Variants in TCF12 observed in about 807,000 individuals in gnomAD.
TCF12 encodes the protein DNA-binding protein HTF4.
In TCF12, 45 loss-of-function variants were observed where a neutral mutation model predicts 86.0. That is an observed-to-expected ratio of 0.52 (90% CI 0.41 to 0.67). The LOEUF (loss-of-function observed/expected upper bound fraction) is 0.67, where lower values mean the gene tolerates loss of function less well. TCF12 is among the 30% of genes least tolerant of loss of function. TCF12 has a pLI of 0.00. For missense variants in TCF12, 881 were observed against 859.9 expected (o/e 1.02, Z -0.31); for synonymous variants, 330 against 299.6 (o/e 1.10, Z -1.05).
chr15:56,918,257 G>C (rs1328965342), upstream of TCF12: 1 of 456,114 alleles, frequency 2.2e-6, no homozygotes, highest in Non-Finnish European at 4.4e-6. Flanking sequence ...CGGGAAGCTC[G>C]GGGACCTGGG....
intron 8 of TCF12, among the ~76,000 whole-genome samples, chr15:57,222,644 G>C (rs1217345547): frequency 6.6e-6 from 1 of 150,918 alleles, no homozygotes. Context: ...AAAGAACTCT[G>C]CCTGCATTCA....
intron 8 of TCF12, among the ~76,000 whole-genome samples, 182 bp from the exon 9 acceptor site, chr15:57,230,970 G>A (rs761831042): frequency 1.3e-5 from 2 of 150,458 alleles, no homozygotes; most frequent in South Asian, 4.2e-4. Flanking sequence ...AAAAAAACAT[G>A]TGGATGGTAA....
chr15:57,216,118 G>A (rs1350833918), intron 8 of TCF12, among the ~76,000 whole-genome samples: 2 of 152,080 alleles, frequency 1.3e-5, no homozygotes, highest in Non-Finnish European at 2.9e-5. Flanking sequence ...TGGAATAGCA[G>A]CAAACATAAC....
At chr15:57,285,519 A>G (rs147482088) in intron 20 of TCF12, among the ~76,000 whole-genome samples, 2 of 152,312 alleles carry the variant, frequency 1.3e-5, no homozygotes, top group South Asian at 2.1e-4. Context: ...AATGAATGCA[A>G]GGTAGCCTCT....
At chr15:57,010,906 A>G (rs2064792034) in intron 3 of TCF12, among the ~76,000 whole-genome samples, 1 of 152,170 alleles carries the variant, frequency 6.6e-6, no homozygotes, top group South Asian at 2.1e-4. Flanking sequence ...ATGTAGTCGT[A>G]TTGCTGTGAG....
intron 13 of TCF12, among the ~76,000 whole-genome samples, chr15:57,246,138 G>T (rs1187004805): frequency 6.6e-6 from 1 of 152,124 alleles, no homozygotes; most frequent in African/African-American, 2.4e-5. Flanking sequence ...TACCCACTCT[G>T]TGAGTAGAAT....
At chr15:57,075,798 CTT>C (rs1491358247) in intron 4 of TCF12, among the ~76,000 whole-genome samples, 998 of 69,132 alleles carry the variant, frequency 0.014, 5 homozygotes, top group Admixed American at 0.041. Context: ...TTCTTTCTTT[CTT>C]TCTTTCTCTC....
intron 3 of TCF12, among the ~76,000 whole-genome samples, chr15:56,922,884 G>C (rs2059852866): frequency 6.6e-6 from 1 of 151,798 alleles, no homozygotes; most frequent in Non-Finnish European, 1.5e-5. Flanking sequence ...ATGTCTAAAA[G>C]AAATTGGTAT....
At chr15:57,049,127 C>T (rs1002442804) in intron 3 of TCF12, among the ~76,000 whole-genome samples, 7 of 152,106 alleles carry the variant, frequency 4.6e-5, no homozygotes, top group African/African-American at 1.7e-4. Flanking sequence ...AGGTCTTGGC[C>T]CACTTGCAGC....
intron 8 of TCF12, among the ~76,000 whole-genome samples, chr15:57,216,498 G>A (rs1229833907): frequency 3.3e-5 from 5 of 150,648 alleles, no homozygotes; most frequent in African/African-American, 1.2e-4. Flanking sequence ...TTAAAAATTG[G>A]CCCTGTCTCC....
chr15:57,054,856 AGAGTT>A (rs1230233001), intron 3 of TCF12, among the ~76,000 whole-genome samples: 6 of 124,714 alleles, frequency 4.8e-5, no homozygotes, highest in Admixed American at 2.2e-4. Flanking sequence ...AAGGCTATTT[AGAGTT>A]AATATTGTGC....
intron 5 of TCF12, among the ~76,000 whole-genome samples, chr15:57,104,115 A>G (rs2049950162): frequency 6.6e-6 from 1 of 152,244 alleles, no homozygotes; most frequent in South Asian, 2.1e-4. Context: ...GTATGTGTAG[A>G]TTATAAAATC....
At chr15:57,244,516 G>A (rs2059770552) in intron 13 of TCF12, among the ~76,000 whole-genome samples, 1 of 152,202 alleles carries the variant, frequency 6.6e-6, no homozygotes, top group South Asian at 2.1e-4. Flanking sequence ...CTGGAGTGCA[G>A]TGGCATAATC....
chr15:57,226,170 G>C (rs1169177600), intron 8 of TCF12, among the ~76,000 whole-genome samples: 1 of 149,194 alleles, frequency 6.7e-6, no homozygotes, highest in Non-Finnish European at 1.5e-5. Flanking sequence ...TTTGACCTGG[G>C]TTGGGATATT....
At chr15:57,246,077 T>C (rs943289948) in intron 13 of TCF12, among the ~76,000 whole-genome samples, 2 of 152,130 alleles carry the variant, frequency 1.3e-5, no homozygotes, top group Admixed American at 6.5e-5. Context: ...TATGTGGACA[T>C]TATTTTGCAT....
chr15:56,988,570 G>C (rs961460481), intron 3 of TCF12, among the ~76,000 whole-genome samples: 1 of 152,130 alleles, frequency 6.6e-6, no homozygotes, highest in Non-Finnish European at 1.5e-5. Context: ...GACTTAAAAT[G>C]TTAGTTGCTA....
chr15:57,123,651 T>TA lies in TCF12; in HGVS notation c.325+31771dup, dbSNP rs1331934971. On this transcript the variant is annotated intron_variant, in intron 5 of 20. Coordinates refer to ENST00000333725, the MANE Select transcript of TCF12 (RefSeq NM_207037.2). ...CGAGCACCACTACACTCAGCTAATG[T>TA]AAAAAAAAAAAGTTTTAAGGCCGGG... is the stretch of plus-strand genomic sequence containing the variant. 3.1e-3 allele frequency among the ~76,000 whole-genome samples: 448 copies of TA among 144,966 alleles called. 2 individuals carry two copies. Among genetic ancestry groups the TA allele is most frequent in the African/African-American group, 8.5e-3 (339 of 39,806 alleles).
At chr15:57,246,066 A>G (rs1477653902) in intron 13 of TCF12, among the ~76,000 whole-genome samples, 1 of 152,132 alleles carries the variant, frequency 6.6e-6, no homozygotes, top group Non-Finnish European at 1.5e-5. Flanking sequence ...TCCTATATAA[A>G]TATGTGGACA....
intron 3 of TCF12, among the ~76,000 whole-genome samples, chr15:57,045,353 T>A (rs1292737091): frequency 1.3e-5 from 2 of 152,290 alleles, no homozygotes; most frequent in South Asian, 4.1e-4. Flanking sequence ...ATTGTCTAGG[T>A]TTTTATTCTC....
Sources: gnomAD v4.1 joint callset for allele counts (sites outside exome capture counted in the v4.1 genomes callset) on GRCh38, gnomAD v4.1.1 for gene constraint, MANE v1.5 for transcripts, NCBI Gene and HGNC (gene_info 2026-07-23, HGNC 2026-07-21) for gene names.